The following WDTC1 variants were observed in gnomAD, a reference collection of about 807,000 sequenced individuals.
WDTC1 encodes the protein WD and tetratricopeptide repeats protein 1.
A neutral mutation model predicts 76.0 loss-of-function variants in WDTC1; 12 were observed. That is an observed-to-expected ratio of 0.16 (90% CI 0.10 to 0.26). The LOEUF (loss-of-function observed/expected upper bound fraction) is 0.26, where lower values mean the gene tolerates loss of function less well. Among genes scored for constraint, WDTC1 ranks in the 10% least tolerant of loss-of-function variants. The pLI is 1.00. For synonymous variants in WDTC1, 326 were observed against 350.8 expected (o/e 0.93, Z 0.79); for missense variants, 511 against 908.8 (o/e 0.56, Z 5.63).
At chr1:27,246,451 CATT>C (rs2011834660) in intron 1 of WDTC1, among the ~76,000 whole-genome samples, 1 of 152,256 alleles carries the variant, frequency 6.6e-6, no homozygotes, top group Middle Eastern at 3.4e-3. Flanking sequence ...GATATTAACA[CATT>C]ATATTTATTC....
chr1:27,255,500 T>A (rs2012246305), intron 1 of WDTC1: 1 of 152,202 alleles, frequency 6.6e-6, no homozygotes, highest in Admixed American at 6.5e-5. Flanking sequence ...GGGGAAACAG[T>A]AGAACAAGGA....
intron 3 of WDTC1, among the ~76,000 whole-genome samples, chr1:27,263,553 C>G (rs1003491266): frequency 2.0e-5 from 3 of 152,150 alleles, no homozygotes; most frequent in Admixed American, 2.0e-4. Flanking sequence ...CCTGCCTCAG[C>G]CTCCCGAGTA....
chr1:27,281,057 C>A (rs1247252140), intron 3 of WDTC1, among the ~76,000 whole-genome samples: 1 of 151,866 alleles, frequency 6.6e-6, no homozygotes, highest in Non-Finnish European at 1.5e-5. Flanking sequence ...CCTTACTGCA[C>A]CAGGCTCTAC....
At chr1:27,240,555 GCTT>G (rs1229846495) in intron 1 of WDTC1, among the ~76,000 whole-genome samples, 1 of 152,154 alleles carries the variant, frequency 6.6e-6, no homozygotes, top group Non-Finnish European at 1.5e-5. Flanking sequence ...CACTTAGTTG[GCTT>G]CTTCTGGGTA....
At chr1:27,290,864 C>T (rs963324359) in intron 6 of WDTC1, among the ~76,000 whole-genome samples, 2 of 152,206 alleles carry the variant, frequency 1.3e-5, no homozygotes, top group African/African-American at 4.8e-5. Context: ...TGAAGTCAGA[C>T]AGACCTGGGG....
In WDTC1 at chr1:27,261,044, A is replaced by G. The variant is rs746623807; in HGVS notation, c.-11A>G. 6.2e-7 allele frequency: 1 copy of G among 1,614,074 alleles called. No individual in the cohort carries two copies. The highest frequency in any genetic ancestry group is 1.3e-5 in the African/African-American group (1 of 74,934). On this transcript the variant is annotated 5_prime_UTR_variant, in exon 2 of 16. Transcript: ENST00000319394. Reference sequence around the variant, plus strand: ...TATTATAGCTTCCTTCTGTTGAACCATTAAGAAAAGATGGCGAAAGTCAAC... The same window carrying G: ...TATTATAGCTTCCTTCTGTTGAACCGTTAAGAAAAGATGGCGAAAGTCAAC...
intron 1 of WDTC1, among the ~76,000 whole-genome samples, chr1:27,251,033 AT>A (rs71584875): frequency 2.8e-3 from 80 of 28,666 alleles, no homozygotes; most frequent in Middle Eastern, 0.031. Flanking sequence ...CTCCTGGCTA[AT>A]TTTTTTTTTT....
intron 6 of WDTC1, among the ~76,000 whole-genome samples, chr1:27,289,470 G>A (rs1336226243): frequency 4.0e-5 from 6 of 150,754 alleles, no homozygotes; most frequent in African/African-American, 1.2e-4. Flanking sequence ...ATGGGATGGC[G>A]GCCGGGCAGA....
At chr1:27,294,155 A>G in intron 8 of WDTC1, 39 bp downstream of exon 8, 2 of 1,599,240 alleles carry the variant, frequency 1.3e-6, no homozygotes, top group Non-Finnish European at 1.7e-6. Flanking sequence ...ACTCTCGGCT[A>G]GATGCTGACT....
Position 27,270,148 on chromosome 1 carries a change from C to A in WDTC1, c.132+6913C>A, listed in dbSNP as rs368725306. Among the ~76,000 whole-genome samples the A allele has an allele frequency of 2.0e-4, 30 of 152,062 alleles. No homozygotes were observed. The South Asian group carries it at 6.0e-3, about 31-fold the overall frequency. On this transcript the variant is annotated intron_variant, in intron 3 of 15. Coordinates refer to ENST00000319394, the MANE Select transcript of WDTC1 (RefSeq NM_001276252.2). ...CGTGTTGCCCAGGCTGGTTTTGAAC[C>A]GCTAGGCTCATGTAGTCCACCCACC...
At position 27,287,870 on chromosome 1, in the gene WDTC1, C is replaced by T. The variant is rs770581018; in HGVS notation, c.479+9C>T. On this transcript the variant is annotated intron_variant, in intron 6 of 15. Transcript: ENST00000319394. The stretch of plus-strand genomic sequence containing the variant: ...GAGGATGGGCTTATCCGGTAAGAGT[C>T]TGGGGCATCTAGTGGAGCCTGTCGC... 6.2e-7 allele frequency: 1 copy of T among 1,610,654 alleles called. No homozygotes were observed. The highest frequency in any genetic ancestry group is 1.3e-5 in the African/African-American group (1 of 74,822).
chr1:27,289,116 G>A (rs1387371403), intron 6 of WDTC1, among the ~76,000 whole-genome samples: 8 of 149,172 alleles, frequency 5.4e-5, no homozygotes, highest in African/African-American at 2.0e-4. Flanking sequence ...CGGGGCGGCT[G>A]GCTGGGCAGA....
intron 12 of WDTC1, among the ~76,000 whole-genome samples, chr1:27,299,162 A>G (rs563046189): frequency 5.3e-5 from 8 of 152,148 alleles, no homozygotes; most frequent in Non-Finnish European, 1.2e-4. Context: ...ATTCTTGCTA[A>G]GAGAGGTTGG....
intron 1 of WDTC1, among the ~76,000 whole-genome samples, chr1:27,257,883 C>T (rs914221411): frequency 4.6e-5 from 7 of 152,136 alleles, no homozygotes; most frequent in East Asian, 1.9e-4. Context: ...CTCCGCCTCC[C>T]GGGTTCAAAT....
At chr1:27,297,839 C>G in intron 11 of WDTC1, 99 bp from the exon 12 acceptor site, 3 of 1,342,008 alleles carry the variant, frequency 2.2e-6, no homozygotes, top group Non-Finnish European at 3.0e-6. Flanking sequence ...TCCCAGGGGC[C>G]AAGAAAATCT....
chr1:27,300,421 G>A lies in WDTC1; in HGVS notation c.1233-805G>A, dbSNP rs575832710. 1.2e-4 allele frequency among the ~76,000 whole-genome samples: 19 copies of A among 152,246 alleles called. No homozygotes were observed. The East Asian group carries it at 2.7e-3, about 22-fold the overall frequency. On this transcript the variant is annotated intron_variant, in intron 12 of 15. Coordinates refer to ENST00000319394, the MANE Select transcript of WDTC1 (RefSeq NM_001276252.2). ...AAGGACAGGTCTGTGGGTGCTGGGG[G>A]AGTATGCTTCCTATATTCTGGCACA... is the stretch of plus-strand genomic sequence containing the variant.
Position 27,239,085 on chromosome 1 carries a change from A to G in WDTC1, c.-100+4134A>G, listed in dbSNP as rs140368486. On this transcript the variant is annotated intron_variant, in intron 1 of 15. Coordinates refer to ENST00000319394, the MANE Select transcript of WDTC1 (RefSeq NM_001276252.2). ...GCCTGGCTAATTTTTTAATTTTTTC[A>G]TAGAGATGGGGTTTCACTATGTTGC... Among the ~76,000 whole-genome samples, 546 of 132,784 alleles carry G rather than the reference A, an allele frequency of 4.1e-3. 5 individuals carry two copies. The highest frequency in any genetic ancestry group is 0.015 in the African/African-American group (525 of 35,016). The allele number at this position is 132,784 out of a possible 152,430, so 87.1% of individuals were successfully genotyped here.
At chr1:27,246,169 C>T (rs1262031242) in intron 1 of WDTC1, among the ~76,000 whole-genome samples, 1 of 152,210 alleles carries the variant, frequency 6.6e-6, no homozygotes, top group Non-Finnish European at 1.5e-5. Context: ...AGTTGTGCAA[C>T]TTGTCACCAC....
chr1:27,234,492 G>A (rs2011441163), upstream of WDTC1: 1 of 330,926 alleles, frequency 3.0e-6, no homozygotes, highest in South Asian at 1.6e-4. Flanking sequence ...GCCGGCAGCA[G>A]ACGTTGACCG....
Sources: allele counts gnomAD v4.1 joint callset (sites outside exome capture counted in the v4.1 genomes callset), GRCh38; gene constraint gnomAD v4.1.1; transcripts MANE v1.5; gene names NCBI Gene and HGNC (gene_info 2026-07-23, HGNC 2026-07-21).